The following WDR87 variants were observed in gnomAD, a reference collection of about 807,000 sequenced individuals.
The protein encoded by WDR87 is WD repeat domain 87.
In WDR87, 56 loss-of-function variants were observed where a neutral mutation model predicts 83.3. That is an observed-to-expected ratio of 0.67 (90% CI 0.54 to 0.84). WDR87 has a LOEUF of 0.84. Among genes scored for constraint, WDR87 ranks in the 40% least tolerant of loss-of-function variants. WDR87 has a pLI of 0.00. For synonymous variants in WDR87, 1,173 were observed against 1,250.6 expected, an observed-to-expected ratio of 0.94 and a Z score of 1.31; for missense variants, 2,939 against 3,431.9, an observed-to-expected ratio of 0.86 and a Z score of 3.59.
At chr19:37,903,969 C>T (rs541719925) in intron 1 of WDR87, among the ~76,000 whole-genome samples, 2 of 152,180 alleles carry the variant, frequency 1.3e-5, no homozygotes, top group South Asian at 4.2e-4. Flanking sequence ...AGTGCAGTGG[C>T]GCCATCTCCG....
In WDR87 at chr19:37,893,415, G is replaced by T; in HGVS notation, c.2288C>A (p.Ser763Tyr). 1 of 1,552,186 alleles carries T rather than the reference G, an allele frequency of 6.4e-7. No individual in the cohort carries two copies. ...DEEGSPVLLRSSMHYSLQDME... is the reference protein window; with the variant it reads ...DEEGSPVLLRYSMHYSLQDME... ...GTCCTGCAAAGAATAATGCATGGAG[G>T]AACGCAGTAACACTGGGCTCCCTTC... Residue 763 changes from serine (S) to tyrosine (Y), a missense_variant, in exon 4 of 6, where the codon TCC (serine) becomes TAC (tyrosine). Around this residue, in one of 3 missense-constraint regions of WDR87, gnomAD observed 2,160 missense variants for 2,533.1 expected, o/e 0.85. Transcript: ENST00000447313.
In WDR87 at chr19:37,893,626, C is replaced by G. The variant is rs577391918; in HGVS notation, c.2077G>C (p.Asp693His). Residue 693 changes from aspartate to histidine, a missense_variant, in exon 4 of 6, where the codon GAT becomes CAT. Physicochemically the swap from Asp to His is moderately conservative, Grantham distance 81. Coordinates refer to ENST00000447313, the MANE Select transcript of WDR87 (RefSeq NM_001291088.2). ...LTRLSFMSISDEVLEVPKPFI... is the reference protein window; with the variant it reads ...LTRLSFMSISHEVLEVPKPFI... ...GGCTTAGGGACTTCCAGTACTTCAT[C>G]TGATATGCTCATAAAGGAAAGGCGA... The G allele has an allele frequency of 1.9e-6, 3 of 1,552,124 alleles. No homozygotes were observed. Among genetic ancestry groups the G allele is most frequent in the East Asian group, 2.4e-5 (1 of 40,924 alleles).
rs1334272317 is a variant in WDR87, at chr19:37,895,377, A to G, written c.326T>C (p.Ile109Thr). The part of the protein sequence containing the change: ...TFSMTERLPP[I>T]QSMVHAGSFH... ...GGAGCCTGCATGGACCATGGACTGG[A>G]TGGGTGGCAATCGTTCAGTCATGGA... is the stretch of plus-strand genomic sequence containing the variant. The change falls in exon 4 of 6, where the codon ATC (isoleucine) becomes ACC (threonine). Residue 109 changes from isoleucine (I) to threonine (T), a missense_variant. Coordinates refer to ENST00000447313, the MANE Select transcript of WDR87 (RefSeq NM_001291088.2). The G allele has an allele frequency of 6.4e-7, 1 of 1,551,698 alleles. No homozygotes were observed. Among genetic ancestry groups the G allele is most frequent in the Admixed American group, 2.0e-5 (1 of 50,994 alleles).
chr19:37,899,030 A>G (rs999896126), intron 1 of WDR87, among the ~76,000 whole-genome samples: 1 of 152,060 alleles, frequency 6.6e-6, no homozygotes, highest in East Asian at 1.9e-4. Flanking sequence ...GCTGCCCATC[A>G]ATCTGAGATT....
chr19:37,892,199 C>A lies in WDR87; in HGVS notation c.3125+379G>T, dbSNP rs561439116. 2.0e-5 allele frequency among the ~76,000 whole-genome samples: 3 copies of A among 152,270 alleles called. No homozygotes were observed. In the South Asian group the frequency reaches 6.2e-4, roughly 32 times the overall value. On this transcript the variant is annotated intron_variant, in intron 4 of 5. Transcript: ENST00000447313. ...CTTGAGCCCAGGAGTTCGAGACCAGCCTGGGCAATATAGTGAGACTCTGTC... is the reference window on the plus strand; with the variant it reads ...CTTGAGCCCAGGAGTTCGAGACCAGACTGGGCAATATAGTGAGACTCTGTC...
chr19:37,904,688 A>G (rs1239071850), intron 1 of WDR87, among the ~76,000 whole-genome samples: 3 of 152,154 alleles, frequency 2.0e-5, no homozygotes, highest in Non-Finnish European at 2.9e-5. Context: ...ATAGTATACT[A>G]TATACACTGT....
intron 3 of WDR87, 86 bp from the exon 4 acceptor site, chr19:37,895,542 TGGATCACCTGA>T (rs2046247868): frequency 7.9e-7 from 1 of 1,260,106 alleles, no homozygotes; most frequent in East Asian, 2.5e-5. Context: ...CCGAGGCGGG[TGGATCACCTGA>T]GGTCAGGAGT....
In WDR87 at chr19:37,900,453, C is replaced by T. The variant is rs570518696; in HGVS notation, c.-46-2168G>A. Among the ~76,000 whole-genome samples, 15 of 148,450 alleles carry T rather than the reference C, an allele frequency of 1.0e-4. No individual in the cohort carries two copies. The East Asian group carries it at 1.6e-3, about 16-fold the overall frequency. ...ATGGGCGCCTGTAACTCCAGCTACT[C>T]GGGAGGCTGAGGCAGGAGAATCGCT... On this transcript the variant is annotated intron_variant, in intron 1 of 5. Coordinates refer to ENST00000447313, the MANE Select transcript of WDR87 (RefSeq NM_001291088.2).
At position 37,888,862 on chromosome 19, in the gene WDR87, C is replaced by T; in HGVS notation, c.4809G>A (p.Glu1603=). 1 of 1,551,996 alleles carries T rather than the reference C, an allele frequency of 6.4e-7. No individual in the cohort carries two copies. Among genetic ancestry groups the T allele is most frequent in the East Asian group, 2.4e-5 (1 of 40,912 alleles). Residue 1603 remains glutamate (E), a synonymous_variant, in exon 6 of 6, where the codon GAG becomes GAA. Coordinates refer to ENST00000447313, the MANE Select transcript of WDR87 (RefSeq NM_001291088.2). Reference sequence around the variant, plus strand: ...TGTGTTCTTCTTGGATGTGTCTCTGCTCTTCTGTGACCTGCTGTTCTTTTT... The same window carrying T: ...TGTGTTCTTCTTGGATGTGTCTCTGTTCTTCTGTGACCTGCTGTTCTTTTT... ...GEEKEQQVTE[E]QRHIQEEHKW...
At position 37,889,936 on chromosome 19, in the gene WDR87, AG is replaced by A; in HGVS notation, c.3734del (p.Thr1245IlefsTer5). 6.4e-7 allele frequency: 1 copy of A among 1,551,656 alleles called. No homozygotes were observed. The highest frequency in any genetic ancestry group is 8.7e-7 in the Non-Finnish European group (1 of 1,146,996). ...GKEAKVINEE[T>X]TPPVMEQPVT... ...CTGGCTGTTCCATTACAGGAGGTGT[AG>A]TTTCCTCATTTATAACTTTGGCTTC... On this transcript the variant is annotated frameshift_variant, in exon 6 of 6. Coordinates refer to ENST00000447313, the MANE Select transcript of WDR87 (RefSeq NM_001291088.2). LOFTEE classifies it low-confidence loss of function (END_TRUNC).
rs764043714 is a variant in WDR87, at chr19:37,888,687, T to C, written c.4984A>G (p.Ile1662Val). ...ERKLAQAYVK[I>V]TQDDREMAQA... ...GCCATTTCCCTGTCATCCTGGGTTA[T>C]TTTCACGTATGCCTGGGCCAGTTTT... Residue 1662 changes from isoleucine to valine, a missense_variant, in exon 6 of 6, where the codon ATA (isoleucine) becomes GTA (valine). This residue lies in a region of WDR87 where 2,160 missense variants were observed against 2,533.1 expected (regional missense o/e 0.85). Transcript: ENST00000447313. 84 of 1,551,158 alleles carry C rather than the reference T, an allele frequency of 5.4e-5. No homozygotes were observed. Among genetic ancestry groups the C allele is most frequent in the Non-Finnish European group, 6.8e-5 (78 of 1,146,834 alleles).
chr19:37,899,489 A>G (rs2046281027), intron 1 of WDR87, among the ~76,000 whole-genome samples: 1 of 151,038 alleles, frequency 6.6e-6, no homozygotes, highest in Admixed American at 6.6e-5. Flanking sequence ...CCCAGGCTGT[A>G]GTGCAGTGGT....
intron 2 of WDR87, among the ~76,000 whole-genome samples, chr19:37,897,438 G>A (rs761135867): frequency 1.9e-4 from 29 of 151,708 alleles, no homozygotes; most frequent in Admixed American, 3.9e-4. Context: ...TTGAACTCCC[G>A]AGCTCAGGTG....
intron 2 of WDR87, among the ~76,000 whole-genome samples, chr19:37,896,978 T>C (rs2046260780): frequency 6.6e-6 from 1 of 152,140 alleles, no homozygotes; most frequent in Admixed American, 6.5e-5. Flanking sequence ...ACACAATATT[T>C]AACAGAATAG....
intron 1 of WDR87, among the ~76,000 whole-genome samples, chr19:37,898,985 C>T (rs2046276340): frequency 6.6e-6 from 1 of 152,168 alleles, no homozygotes; most frequent in South Asian, 2.1e-4. Flanking sequence ...ATTGGAAATT[C>T]TGAGATTAAG....
intron 1 of WDR87, among the ~76,000 whole-genome samples, chr19:37,905,137 C>A (rs1412850985): frequency 6.7e-6 from 1 of 149,854 alleles, no homozygotes; most frequent in Non-Finnish European, 1.5e-5. Context: ...GAGGCTGAGG[C>A]AGGAGAGTCA....
chr19:37,896,028 C>T, intron 3 of WDR87, 110 bp downstream of exon 3: 1 of 1,379,766 alleles, frequency 7.2e-7, no homozygotes, highest in Non-Finnish European at 9.8e-7. Flanking sequence ...TTTCTGGTTC[C>T]AGACCACATT....
Position 37,893,128 on chromosome 19 carries a change from G to A in WDR87, c.2575C>T (p.Gln859Ter). Residue 859 changes from glutamine (Q) to a stop codon, truncating the protein, a stop_gained, in exon 4 of 6, where the codon CAA becomes TAA. Transcript: ENST00000447313. LOFTEE classifies it high-confidence loss of function. The part of the protein sequence containing the change: ...PQRELEWDRS[Q>*]EFFFWHSRVR... ...CTGCTGTGCCAGAAAAAGAATTCTT[G>A]AGACCTGTCCCATTCCAGCTCCCGC... 1.3e-6 allele frequency: 2 copies of A among 1,551,786 alleles called. No individual in the cohort carries two copies. The highest frequency in any genetic ancestry group is 8.7e-7 in the Non-Finnish European group (1 of 1,147,024).
In WDR87 at chr19:37,891,671, A is replaced by T; in HGVS notation, c.3275T>A (p.Val1092Asp). Residue 1092 changes from valine (V) to aspartate (D), a missense_variant, in exon 5 of 6, where the codon GTC becomes GAC. Val to Asp is a radical substitution (Grantham distance 152). Around this residue, in one of 3 missense-constraint regions of WDR87, gnomAD observed 2,160 missense variants for 2,533.1 expected, o/e 0.85. Transcript: ENST00000447313. Reference sequence around the variant, plus strand: ...GGATTTAAGTTCAGAAGGCATTGAGACATCTAAAGAAAAAGCCGGCTTTTC... The same window carrying T: ...GGATTTAAGTTCAGAAGGCATTGAGTCATCTAAAGAAAAAGCCGGCTTTTC... ...RDEKPAFSLD[V>D]SMPSELKSSL... 6.4e-7 allele frequency: 1 copy of T among 1,551,862 alleles called. No individual in the cohort carries two copies. Among genetic ancestry groups the T allele is most frequent in the Non-Finnish European group, 8.7e-7 (1 of 1,147,040 alleles).
Sources: allele counts gnomAD v4.1 joint callset (sites outside exome capture counted in the v4.1 genomes callset), GRCh38; gene constraint gnomAD v4.1.1; regional missense constraint gnomAD v4.1.1; transcripts MANE v1.5; gene names NCBI Gene and HGNC (gene_info 2026-07-23, HGNC 2026-07-21).